The following ALPL variants were observed in gnomAD, a reference collection of about 807,000 sequenced individuals.
The protein encoded by ALPL is alkaline phosphatase, tissue-nonspecific isozyme.
A neutral mutation model predicts 51.3 loss-of-function variants in ALPL; 42 were observed. That is an observed-to-expected ratio of 0.82 (90% CI 0.64 to 1.06). ALPL has a LOEUF of 1.06. Among genes scored for constraint, ALPL ranks in the 50% least tolerant of loss-of-function variants. The pLI is 0.00. For synonymous variants in ALPL, 279 were observed against 296.4 expected (o/e 0.94, Z 0.60); for missense variants, 589 against 709.4 (o/e 0.83, Z 1.93).
Position 21,568,241 on chromosome 1 carries a change from A to G in ALPL, c.786A>G (p.Arg262=). 3 of 1,614,024 alleles carry G rather than the reference A, an allele frequency of 1.9e-6. No individual in the cohort carries two copies. The highest frequency in any genetic ancestry group is 2.5e-6 in the Non-Finnish European group (3 of 1,180,002). ...ACACCTGGAAGAGCTTCAAACCGAG[A>G]TACAAGGTAGCCTGTGCTGGGGCCA... ...LVDTWKSFKP[R]YKHSHFIWNR... Residue 262 remains arginine (R), a synonymous_variant, in exon 7 of 12, where the codon AGA becomes AGG. Transcript: ENST00000374840.
In ALPL at chr1:21,561,078, C is replaced by T. The variant is rs765320968; in HGVS notation, c.182-19C>T. Reference sequence around the variant, plus strand: ...GAGGCAGGAGCACGAGAGACTGAGGCCCCCACTCCCCACTGCAGGGATGGG... The same window carrying T: ...GAGGCAGGAGCACGAGAGACTGAGGTCCCCACTCCCCACTGCAGGGATGGG... On this transcript the variant is annotated intron_variant, in intron 3 of 11. Transcript: ENST00000374840. 1 of 1,587,386 alleles carries T rather than the reference C, an allele frequency of 6.3e-7. No individual in the cohort carries two copies. Among genetic ancestry groups the T allele is most frequent in the Non-Finnish European group, 8.6e-7 (1 of 1,165,144 alleles).
rs112550310 is a variant in ALPL at position 21,510,941 on chromosome 1, A to G, written c.-105+1424A>G. On this transcript the variant is annotated intron_variant, in intron 1 of 11. Coordinates refer to ENST00000374840, the MANE Select transcript of ALPL (RefSeq NM_000478.6). ...CTGGACACAGCTTCTCAACATCCCAACTGGTGAAGACTAGGCTGAGTGATG... is the reference window on the plus strand; with the variant it reads ...CTGGACACAGCTTCTCAACATCCCAGCTGGTGAAGACTAGGCTGAGTGATG... 3.2e-3 allele frequency among the ~76,000 whole-genome samples: 490 copies of G among 152,224 alleles called. 7 individuals are homozygous for G. Among genetic ancestry groups the G allele is most frequent in the African/African-American group, 0.012 (483 of 41,538 alleles).
chr1:21,554,283 C>A, intron 2 of ALPL, 141 bp downstream of exon 2: 2 of 795,190 alleles, frequency 2.5e-6, no homozygotes, highest in Non-Finnish European at 4.4e-6. Context: ...AAACCTCAGC[C>A]CTGCTACTTG....
chr1:21,524,859 A>T (rs892875356), intron 1 of ALPL, among the ~76,000 whole-genome samples: 1 of 152,228 alleles, frequency 6.6e-6, no homozygotes, highest in African/African-American at 2.4e-5. Flanking sequence ...AGGGAAGGAC[A>T]GGCGAAGGGG....
At chr1:21,552,850 A>T (rs1644351748) in intron 1 of ALPL, among the ~76,000 whole-genome samples, 1 of 152,236 alleles carries the variant, frequency 6.6e-6, no homozygotes, top group South Asian at 2.1e-4. Flanking sequence ...GTTTCCCACA[A>T]CAAATGGTGT....
chr1:21,570,911 C>T (rs1644638468), intron 8 of ALPL, among the ~76,000 whole-genome samples: 1 of 152,242 alleles, frequency 6.6e-6, no homozygotes, highest in South Asian at 2.1e-4. Flanking sequence ...TCTTTTCCAG[C>T]TGTCTGTAGT....
In ALPL at chr1:21,568,143, A is replaced by C. The variant is rs1240343208; in HGVS notation, c.688A>C (p.Asn230His). ...GGGRKYMYPKNKTDVEYESDE... is the reference protein window; with the variant it reads ...GGGRKYMYPKHKTDVEYESDE... ...TGGCCGGAAATACATGTACCCCAAG[A>C]ATAAAACTGATGTGGAGTATGAGAG... Residue 230 changes from asparagine (N) to histidine (H), a missense_variant, in exon 7 of 12, where the codon AAT (asparagine) becomes CAT (histidine). Asn to His is a moderately conservative substitution (Grantham distance 68). Coordinates refer to ENST00000374840, the MANE Select transcript of ALPL (RefSeq NM_000478.6). 1.2e-6 allele frequency: 2 copies of C among 1,614,022 alleles called. No individual in the cohort carries two copies. Among genetic ancestry groups the C allele is most frequent in the African/African-American group, 2.7e-5 (2 of 74,990 alleles).
intron 1 of ALPL, among the ~76,000 whole-genome samples, chr1:21,524,520 A>G (rs946191136): frequency 2.6e-5 from 4 of 152,194 alleles, no homozygotes; most frequent in African/African-American, 9.7e-5. Flanking sequence ...ATAAGAAAAA[A>G]AAATGAATAG....
Position 21,569,358 on chromosome 1 carries a change from C to T in ALPL, c.793-947C>T, listed in dbSNP as rs537200222. Among the ~76,000 whole-genome samples the T allele has an allele frequency of 3.9e-5, 6 of 152,180 alleles. No homozygotes were observed. In the South Asian group the frequency reaches 6.2e-4, roughly 16 times the overall value. On this transcript the variant is annotated intron_variant, in intron 7 of 11. Transcript: ENST00000374840. The stretch of plus-strand genomic sequence containing the variant: ...GGAGAGAGCGTCTACACCATGGCCC[C>T]GAGCCTGGCCACATTGGGTATCAGG...
At chr1:21,530,587 C>T (rs1316165736) in intron 1 of ALPL, among the ~76,000 whole-genome samples, 3 of 152,068 alleles carry the variant, frequency 2.0e-5, no homozygotes, top group Non-Finnish European at 4.4e-5. Context: ...ACTCACTCCA[C>T]AGGATTGGGC....
At chr1:21,529,894 C>T (rs1165859832) in intron 1 of ALPL, among the ~76,000 whole-genome samples, 1 of 152,138 alleles carries the variant, frequency 6.6e-6, no homozygotes, top group African/African-American at 2.4e-5. Flanking sequence ...ACTTCAGCCT[C>T]CTGAGTAACT....
chr1:21,511,471 G>A (rs999026605), intron 1 of ALPL, among the ~76,000 whole-genome samples: 4 of 152,168 alleles, frequency 2.6e-5, no homozygotes, highest in Non-Finnish European at 4.4e-5. Flanking sequence ...AGAAAATCCT[G>A]GCTATCCTCA....
chr1:21,566,005 G>A (rs1443677657), intron 6 of ALPL, among the ~76,000 whole-genome samples: 1 of 152,090 alleles, frequency 6.6e-6, no homozygotes. Flanking sequence ...CTCTGAAGAT[G>A]CCAAGAGGTC....
chr1:21,554,788 C>CCTGT lies in ALPL; in HGVS notation c.61+673_61+676dup, dbSNP rs369690542. Among the ~76,000 whole-genome samples the CCTGT allele has an allele frequency of 2.5e-3, 282 of 114,612 alleles. 6 individuals carry two copies. The highest frequency in any genetic ancestry group is 7.8e-3 in the African/African-American group (212 of 27,270). 75.2% of individuals were successfully genotyped at this position (114,612 alleles called of 152,430 possible). On this transcript the variant is annotated intron_variant, in intron 2 of 11. Transcript: ENST00000374840. ...TACAGGCGTGAGCCACCGCGCCTGG[C>CCTGT]CTGTCTGTCTGTCTGTCTGTCTGTC...
Position 21,575,939 on chromosome 1 carries a change from T to C in ALPL, c.1189+15T>C, listed in dbSNP as rs754877794. ...CTCTATCTTTGGTAGGTGGGCCTTC[T>C]TTGGGGTGGACACTCCTGGGGTCTC... On this transcript the variant is annotated intron_variant, in intron 10 of 11. Transcript: ENST00000374840. 2 of 1,614,024 alleles carry C rather than the reference T, an allele frequency of 1.2e-6. No individual in the cohort carries two copies. The highest frequency in any genetic ancestry group is 1.7e-6 in the Non-Finnish European group (2 of 1,179,988).
chr1:21,536,853 C>A (rs1342618431), intron 1 of ALPL, among the ~76,000 whole-genome samples: 2 of 149,580 alleles, frequency 1.3e-5, no homozygotes, highest in East Asian at 2.0e-4. Context: ...GCCGTAGAAA[C>A]TTCTGCATTG....
At chr1:21,555,734 T>C (rs1644404406) in intron 2 of ALPL, among the ~76,000 whole-genome samples, 1 of 151,936 alleles carries the variant, frequency 6.6e-6, no homozygotes, top group Non-Finnish European at 1.5e-5. Context: ...TTGTCATTTG[T>C]AGTTCTCACT....
intron 2 of ALPL, among the ~76,000 whole-genome samples, chr1:21,559,557 T>A (rs186423634): frequency 3.1e-4 from 47 of 152,250 alleles, no homozygotes; most frequent in African/African-American, 1.1e-3. Flanking sequence ...TCTAGCTCTG[T>A]CACCCAGGCT....
intron 6 of ALPL, 40 bp from the exon 7 acceptor site, chr1:21,568,064 C>G (rs754982577): frequency 6.2e-7 from 1 of 1,613,748 alleles, no homozygotes; most frequent in Non-Finnish European, 8.5e-7. Flanking sequence ...TTCTGGGCAT[C>G]TTGGAACCCT....
Sources: allele counts gnomAD v4.1 joint callset (sites outside exome capture counted in the v4.1 genomes callset), GRCh38; gene constraint gnomAD v4.1.1; transcripts MANE v1.5; gene names NCBI Gene and HGNC (gene_info 2026-07-23, HGNC 2026-07-21).